GMDS: variants seen among roughly 807,000 people sequenced by gnomAD.
GMDS encodes the protein GDP-mannose 4,6 dehydratase.
In GMDS, 20 loss-of-function variants were observed where a neutral mutation model predicts 49.9. The observed-to-expected ratio is 0.40, with a 90% CI of 0.28 to 0.58. The LOEUF (loss-of-function observed/expected upper bound fraction) is 0.58, where lower values mean the gene tolerates loss of function less well. Ranked by LOEUF, GMDS falls within the 20% of genes least tolerant of loss-of-function variation. The pLI, the probability that GMDS is intolerant of heterozygous loss-of-function variation, is 0.42. For missense variants in GMDS, 362 were observed against 481.4 expected (o/e 0.75, Z 2.32); for synonymous variants, 177 against 178.6 (o/e 0.99, Z 0.07).
intron 7 of GMDS, among the ~76,000 whole-genome samples, chr6:1,896,807 C>T (rs1375494705): frequency 6.6e-6 from 1 of 152,210 alleles, no homozygotes; most frequent in Non-Finnish European, 1.5e-5. Flanking sequence ...GTCTACACTG[C>T]AGACAGACTG....
chr6:1,709,025 C>G (rs920012410), intron 9 of GMDS, among the ~76,000 whole-genome samples: 22 of 152,168 alleles, frequency 1.4e-4, no homozygotes, highest in Non-Finnish European at 2.5e-4. Flanking sequence ...TCTGATGTCC[C>G]CTGATTGCCG....
chr6:2,159,580 A>G (rs940076914), intron 1 of GMDS, among the ~76,000 whole-genome samples: 17 of 131,548 alleles, frequency 1.3e-4, no homozygotes, highest in Non-Finnish European at 2.0e-4. Flanking sequence ...GTGCAGTGGC[A>G]TGATCTCGGC....
chr6:1,913,384 CAAACA>C (rs1761179024), intron 7 of GMDS, among the ~76,000 whole-genome samples: 2 of 7,878 alleles, frequency 2.5e-4, no homozygotes, highest in Non-Finnish European at 5.5e-4. Flanking sequence ...CCGTCTCAAA[CAAACA>C]AAAAAAAAAA....
chr6:1,935,170 G>T (rs1162609292), intron 6 of GMDS, among the ~76,000 whole-genome samples: 1 of 152,204 alleles, frequency 6.6e-6, no homozygotes, highest in African/African-American at 2.4e-5. Context: ...GGGAAAGCCA[G>T]CTCTGTTAGT....
At chr6:1,821,040 C>T (rs896978670) in intron 7 of GMDS, among the ~76,000 whole-genome samples, 1 of 152,162 alleles carries the variant, frequency 6.6e-6, no homozygotes, top group Non-Finnish European at 1.5e-5. Flanking sequence ...CAAAATGCCA[C>T]CTCATTGTGT....
intron 1 of GMDS, among the ~76,000 whole-genome samples, chr6:2,202,175 T>G (rs1227604819): frequency 7.1e-6 from 1 of 140,542 alleles, no homozygotes; most frequent in East Asian, 2.2e-4. Context: ...GAGCACCACA[T>G]GGACATCCGA....
chr6:1,697,923 T>C (rs1765399298), intron 9 of GMDS, among the ~76,000 whole-genome samples: 1 of 152,208 alleles, frequency 6.6e-6, no homozygotes, highest in Non-Finnish European at 1.5e-5. Context: ...TCCATGGGAA[T>C]CCAGTATGGC....
chr6:1,930,341 C>T, intron 6 of GMDS, 111 bp from the exon 7 acceptor site: 1 of 725,042 alleles, frequency 1.4e-6, no homozygotes, highest in Non-Finnish European at 2.3e-6. Context: ...TCTACACTCC[C>T]AGCCACCCTG....
chr6:2,040,358 C>T (rs945456966), intron 4 of GMDS, among the ~76,000 whole-genome samples: 15 of 152,318 alleles, frequency 9.8e-5, no homozygotes, highest in African/African-American at 3.6e-4. Context: ...TGTAATAAAA[C>T]ACAATTTTAT....
At chr6:1,797,422 T>C (rs1456630989) in intron 7 of GMDS, among the ~76,000 whole-genome samples, 1 of 152,232 alleles carries the variant, frequency 6.6e-6, no homozygotes, top group Non-Finnish European at 1.5e-5. Flanking sequence ...TTAATAGACT[T>C]GTGTCCACCT....
At chr6:2,107,185 C>T (rs151327357) in intron 4 of GMDS, among the ~76,000 whole-genome samples, 24 of 152,280 alleles carry the variant, frequency 1.6e-4, no homozygotes, top group African/African-American at 4.8e-4. Flanking sequence ...AATTACAATA[C>T]CACCTAGCTC....
chr6:1,714,563 A>G (rs1766104208), intron 9 of GMDS, among the ~76,000 whole-genome samples: 1 of 152,228 alleles, frequency 6.6e-6, no homozygotes, highest in Non-Finnish European at 1.5e-5. Context: ...AGAAAGTTTC[A>G]GAGTAGCAGA....
chr6:1,747,473 C>T (rs1455798010), intron 7 of GMDS, among the ~76,000 whole-genome samples: 5 of 5,060 alleles, frequency 9.9e-4, no homozygotes, highest in Admixed American at 5.0e-3. Context: ...CACACACACA[C>T]GCTCATGCGT....
chr6:1,910,232 T>C (rs777989755), intron 7 of GMDS, among the ~76,000 whole-genome samples: 44 of 151,714 alleles, frequency 2.9e-4, no homozygotes, highest in Non-Finnish European at 4.9e-4. Flanking sequence ...GGTAGCACTT[T>C]CTATAGTATT....
intron 1 of GMDS, among the ~76,000 whole-genome samples, chr6:2,236,665 C>T (rs959671726): frequency 1.3e-5 from 2 of 152,108 alleles, no homozygotes; most frequent in African/African-American, 4.8e-5. Context: ...TAAAGCAATA[C>T]TAAAAATCTA....
intron 7 of GMDS, among the ~76,000 whole-genome samples, chr6:1,763,105 C>T (rs1265741301): frequency 3.9e-5 from 6 of 152,170 alleles, no homozygotes; most frequent in African/African-American, 1.4e-4. Context: ...CAAATTCTTT[C>T]TAAGATCGCA....
At chr6:1,728,229 T>C (rs1184209194) in intron 8 of GMDS, among the ~76,000 whole-genome samples, 1 of 152,244 alleles carries the variant, frequency 6.6e-6, no homozygotes, top group African/African-American at 2.4e-5. Flanking sequence ...GTCATTATTA[T>C]TATTTTTTTT....
intron 4 of GMDS, among the ~76,000 whole-genome samples, chr6:2,045,544 C>T (rs145208524): frequency 1.5e-4 from 23 of 151,756 alleles, no homozygotes; most frequent in African/African-American, 4.3e-4. Context: ...TTTTTTAATA[C>T]AAAAAGTTAA....
At chr6:1,645,485 G>A (rs1377314995) in intron 9 of GMDS, among the ~76,000 whole-genome samples, 1 of 152,222 alleles carries the variant, frequency 6.6e-6, no homozygotes. Flanking sequence ...AGTGCCCGGG[G>A]ACGCTCACCC....
Sources: allele counts gnomAD v4.1 joint callset (sites outside exome capture counted in the v4.1 genomes callset), GRCh38; gene constraint gnomAD v4.1.1; transcripts MANE v1.5; gene names NCBI Gene and HGNC (gene_info 2026-07-23, HGNC 2026-07-21).